TRIM9: variants seen among roughly 807,000 people sequenced by gnomAD.
TRIM9 encodes E3 ubiquitin-protein ligase TRIM9.
Under a neutral mutation model 78.3 loss-of-function variants are expected in TRIM9, and 26 were observed. That is an observed-to-expected ratio of 0.33 (90% CI 0.24 to 0.46). The LOEUF (loss-of-function observed/expected upper bound fraction) is 0.46. Ranked by LOEUF, TRIM9 falls within the 20% of genes least tolerant of loss-of-function variation. The probability of loss-of-function intolerance (pLI) is 1.00; values close to 1 mark genes in which losing one functional copy is unlikely to be tolerated. For missense variants in TRIM9, 787 were observed against 1,036.4 expected (o/e 0.76, Z 3.30); for synonymous variants, 398 against 416.5 (o/e 0.96, Z 0.54).
chr14:51,014,407 C>T (rs1415952366), intron 3 of TRIM9, among the ~76,000 whole-genome samples: 1 of 152,170 alleles, frequency 6.6e-6, no homozygotes, highest in African/African-American at 2.4e-5. Flanking sequence ...TCCTGGCTCT[C>T]AATCCCTCAC....
rs1398270087 is a variant in TRIM9 at position 51,075,986 on chromosome 14, A to G, written c.822+18132T>C. ...ATTTTTTTTTCACTGCTATATTCCC[A>G]ATACCTACAAGAGTACTGGAGCACC... On this transcript the variant is annotated intron_variant, in intron 1 of 12. Transcript: ENST00000684578. Among the ~76,000 whole-genome samples the G allele has an allele frequency of 3.3e-5, 5 of 152,324 alleles. No individual in the cohort carries two copies. In the East Asian group the frequency reaches 9.6e-4, roughly 29 times the overall value.
At chr14:51,083,350 C>T (rs1470946391) in intron 1 of TRIM9, among the ~76,000 whole-genome samples, 1 of 152,086 alleles carries the variant, frequency 6.6e-6, no homozygotes, top group Non-Finnish European at 1.5e-5. Flanking sequence ...CTCCTGGGCT[C>T]AAGTGACTCT....
intron 7 of TRIM9, among the ~76,000 whole-genome samples, chr14:50,994,169 G>T (rs1294601024): frequency 6.6e-6 from 1 of 152,214 alleles, no homozygotes; most frequent in Non-Finnish European, 1.5e-5. Flanking sequence ...ACTTTGGGAG[G>T]CCAAGGGAGG....
intron 9 of TRIM9, 57 bp from the exon 10 acceptor site, chr14:50,983,022 TG>T: frequency 6.6e-7 from 1 of 1,506,112 alleles, no homozygotes; most frequent in African/African-American, 1.4e-5. Context: ...AAAATTGACA[TG>T]GATAAGAAAA....
chr14:51,030,868 C>T (rs112610112), intron 1 of TRIM9, among the ~76,000 whole-genome samples: 3 of 151,926 alleles, frequency 2.0e-5, no homozygotes, highest in Admixed American at 6.6e-5. Context: ...GATTCGAGGC[C>T]GGGCGTGGTG....
intron 1 of TRIM9, among the ~76,000 whole-genome samples, chr14:51,040,770 A>T (rs2059524666): frequency 1.3e-5 from 2 of 152,206 alleles, no homozygotes; most frequent in Admixed American, 1.3e-4. Context: ...TGAACCACAG[A>T]TTCCTTCTCT....
intron 1 of TRIM9, among the ~76,000 whole-genome samples, chr14:51,055,608 A>G (rs1194452799): frequency 6.6e-6 from 1 of 152,236 alleles, no homozygotes; most frequent in African/African-American, 2.4e-5. Flanking sequence ...GGAAGAGGCT[A>G]TGAGCCAAGG....
Position 51,006,049 on chromosome 14 carries a change from G to A in TRIM9, c.1306+3031C>T, listed in dbSNP as rs189468253. Among the ~76,000 whole-genome samples, 52 of 152,272 alleles carry A rather than the reference G, an allele frequency of 3.4e-4. 1 individual carries two copies. The highest frequency in any genetic ancestry group is 2.5e-3 in the Admixed American group (38 of 15,298). On this transcript the variant is annotated intron_variant, in intron 5 of 12. Coordinates refer to ENST00000684578, the MANE Select transcript of TRIM9 (RefSeq NM_001387360.1). ...CAAAAACAACGGCAACAACAATGGC[G>A]TCTATGATGAGCTTTTGAAACCAGA...
At chr14:51,036,614 C>T (rs10151348) in intron 1 of TRIM9, among the ~76,000 whole-genome samples, 41 of 152,234 alleles carry the variant, frequency 2.7e-4, no homozygotes, top group Non-Finnish European at 5.3e-4. Context: ...TTACACTATA[C>T]TATTTATGGA....
intron 3 of TRIM9, among the ~76,000 whole-genome samples, chr14:51,015,077 T>C (rs1245274819): frequency 2.6e-5 from 4 of 152,250 alleles, no homozygotes; most frequent in Non-Finnish European, 5.9e-5. Context: ...CAAGTGTCTA[T>C]TGATCATTTG....
intron 1 of TRIM9, among the ~76,000 whole-genome samples, chr14:51,047,070 CAT>C (rs1442460135): frequency 6.6e-6 from 1 of 152,140 alleles, no homozygotes; most frequent in Admixed American, 6.5e-5. Flanking sequence ...CATTTATCTG[CAT>C]AGTGTGTTGT....
chr14:51,076,788 T>A (rs2062821538), intron 1 of TRIM9, among the ~76,000 whole-genome samples: 1 of 152,204 alleles, frequency 6.6e-6, no homozygotes, highest in Non-Finnish European at 1.5e-5. Flanking sequence ...AGAGGTCAAA[T>A]AACTAACCCA....
At chr14:51,052,486 T>G (rs1371864904) in intron 1 of TRIM9, among the ~76,000 whole-genome samples, 1 of 152,232 alleles carries the variant, frequency 6.6e-6, no homozygotes, top group East Asian at 1.9e-4. Flanking sequence ...GTTGTTGCTA[T>G]TAGCGTCATT....
At chr14:50,982,241 C>A in intron 10 of TRIM9, 138 bp from the exon 11 acceptor site, 1 of 916,428 alleles carries the variant, frequency 1.1e-6, no homozygotes, top group Non-Finnish European at 1.6e-6. Flanking sequence ...AGGGCCAGGG[C>A]AGACAGGGGC....
chr14:50,981,380 A>C (rs58240160), intron 11 of TRIM9, among the ~76,000 whole-genome samples: 42,827 of 152,106 alleles, frequency 0.28, 6,211 homozygotes, highest in South Asian at 0.49. Context: ...ATTTCATTTA[A>C]TCTTCAGAAG....
Position 50,985,970 on chromosome 14 carries a change from G to A in TRIM9, c.1778C>T (p.Ser593Phe). The A allele has an allele frequency of 3.9e-6, 6 of 1,540,680 alleles. No individual in the cohort carries two copies. The highest frequency in any genetic ancestry group is 5.3e-6 in the Non-Finnish European group (6 of 1,142,046). ...GCTCAGCTCACCCGGTGCATTGAGA[G>A]ACTGTAAAGAGGAATGCAAGCTCAG... ...HQLSLHSSLQ[S>F]LNAPGCNFET... Residue 593 changes from serine to phenylalanine, a missense_variant, in exon 8 of 13, where the codon TCT (serine) becomes TTT (phenylalanine). Physicochemically the swap from Ser to Phe is radical, Grantham distance 155. Around this residue, in one of 3 missense-constraint regions of TRIM9, gnomAD observed 421 missense variants for 514.3 expected, o/e 0.82. Transcript: ENST00000684578.
intron 1 of TRIM9, among the ~76,000 whole-genome samples, chr14:51,069,890 T>C (rs921497683): frequency 6.6e-6 from 1 of 152,238 alleles, no homozygotes; most frequent in African/African-American, 2.4e-5. Context: ...TATTCTGTAT[T>C]TGCAAATTTG....
chr14:50,990,574 C>A lies in TRIM9; in HGVS notation c.1604-4430G>T, dbSNP rs527616776. On this transcript the variant is annotated intron_variant, in intron 7 of 12. Transcript: ENST00000684578. ...TGTTGTAGAATATTTGAAAAGGTAG[C>A]CTTTGGGGTGTTATTTTTGGAATCT... is the stretch of plus-strand genomic sequence containing the variant. Among the ~76,000 whole-genome samples the A allele has an allele frequency of 4.6e-5, 7 of 152,206 alleles. No individual in the cohort carries two copies. The South Asian group carries it at 1.2e-3, about 27-fold the overall frequency.
intron 3 of TRIM9, among the ~76,000 whole-genome samples, chr14:51,019,214 T>C (rs561955718): frequency 6.6e-6 from 1 of 152,364 alleles, no homozygotes; most frequent in Admixed American, 6.5e-5. Flanking sequence ...AGGTCCAGTG[T>C]GCTCTGCTCA....
Sources: allele counts gnomAD v4.1 joint callset (sites outside exome capture counted in the v4.1 genomes callset), GRCh38; gene constraint gnomAD v4.1.1; regional missense constraint gnomAD v4.1.1; transcripts MANE v1.5; gene names NCBI Gene and HGNC (gene_info 2026-07-23, HGNC 2026-07-21).